KMT2C: variants seen among roughly 807,000 people sequenced by gnomAD.
The protein encoded by KMT2C is histone-lysine N-methyltransferase 2C.
A neutral mutation model predicts 507.9 loss-of-function variants in KMT2C; 88 were observed. That is an observed-to-expected ratio of 0.17 (90% CI 0.15 to 0.21). The LOEUF is 0.21. KMT2C is among the 10% of genes least tolerant of loss of function. KMT2C has a pLI of 1.00. For synonymous variants in KMT2C, 2,049 were observed against 2,080.8 expected, an observed-to-expected ratio of 0.98 and a Z score of 0.42; for missense variants, 4,954 against 5,957.8, an observed-to-expected ratio of 0.83 and a Z score of 5.55.
At chr7:152,354,998 AG>A (rs2097141151) in intron 2 of KMT2C, among the ~76,000 whole-genome samples, 1 of 152,230 alleles carries the variant, frequency 6.6e-6, no homozygotes, top group African/African-American at 2.4e-5. Context: ...AAGACCAGTT[AG>A]GAAGCTATTG....
At chr7:152,379,525 A>G (rs560606983) in intron 1 of KMT2C, among the ~76,000 whole-genome samples, 21 of 151,890 alleles carry the variant, frequency 1.4e-4, no homozygotes, top group African/African-American at 4.8e-4. Flanking sequence ...GCGACAGAGT[A>G]AGACTCTGTC....
At chr7:152,390,590 TCA>T (rs1355389800) in intron 1 of KMT2C, among the ~76,000 whole-genome samples, 1 of 152,220 alleles carries the variant, frequency 6.6e-6, no homozygotes, top group Admixed American at 6.5e-5. Context: ...TTACAACCCA[TCA>T]CAATAGATGT....
intron 1 of KMT2C, among the ~76,000 whole-genome samples, chr7:152,370,729 C>T (rs1257283159): frequency 6.6e-6 from 1 of 152,216 alleles, no homozygotes; most frequent in African/African-American, 2.4e-5. Context: ...TCAATGTAAT[C>T]TACCATGTTA....
chr7:152,422,941 C>T lies in KMT2C; in HGVS notation c.161+12685G>A, dbSNP rs551157580. Among the ~76,000 whole-genome samples the T allele has an allele frequency of 1.7e-3, 252 of 150,760 alleles. 3 individuals carry two copies. Among genetic ancestry groups the T allele is most frequent in the Middle Eastern group, 0.014 (4 of 292 alleles). On this transcript the variant is annotated intron_variant, in intron 1 of 58. Transcript: ENST00000262189. ...TGGAGGCAGGAGAATGGCATGAACC[C>T]GGGAGGCGGAGCTTACAGTGAGCCA...
At position 152,183,059 on chromosome 7, in the gene KMT2C, G is replaced by A. The variant is rs372053630; in HGVS notation, c.5180C>T (p.Pro1727Leu). 8.3e-5 allele frequency: 134 copies of A among 1,612,692 alleles called. No homozygotes were observed. The highest frequency in any genetic ancestry group is 1.0e-4 in the Non-Finnish European group (119 of 1,179,334). ...KRQQQQDSID[P>L]SSRIDSELFK... Reference sequence around the variant, plus strand: ...AAGCTCCGAATCAATACGAGAGCTGGGATCAATGCTATCTTGCTGTTGCTG... The same window carrying A: ...AAGCTCCGAATCAATACGAGAGCTGAGATCAATGCTATCTTGCTGTTGCTG... Residue 1727 changes from proline (P) to leucine (L), a missense_variant, in exon 35 of 59, where the codon CCC becomes CTC. Physicochemically the swap from Pro to Leu is moderately conservative, Grantham distance 98. Around this residue, in one of 29 missense-constraint regions of KMT2C, gnomAD observed 58 missense variants for 63.3 expected, o/e 0.92. Transcript: ENST00000262189.
At position 152,176,904 on chromosome 7, in the gene KMT2C, T is replaced by C. The variant is rs2093235140; in HGVS notation, c.8549A>G (p.Asp2850Gly). 3.7e-6 allele frequency: 6 copies of C among 1,614,080 alleles called. No homozygotes were observed. The highest frequency in any genetic ancestry group is 5.1e-6 in the Non-Finnish European group (6 of 1,180,046). ...AGCAGAAGCCTGTGAGCAAGGAGTG[T>C]CAACATTATCTTTATTCTCATCATT... The part of the protein sequence containing the change: ...EKNDENKDNV[D>G]TPCSQASAHS... Residue 2850 changes from aspartate to glycine, a missense_variant, in exon 38 of 59, where the codon GAC becomes GGC. Coordinates refer to ENST00000262189, the MANE Select transcript of KMT2C (RefSeq NM_170606.3).
intron 1 of KMT2C, among the ~76,000 whole-genome samples, chr7:152,376,288 TAATCCTAC>T (rs1257248258): frequency 2.0e-5 from 3 of 152,180 alleles, no homozygotes; most frequent in Non-Finnish European, 4.4e-5. Context: ...TAGTTAACCC[TAATCCTAC>T]AATGGCCTCA....
At chr7:152,139,441 T>C (rs1053613912) in intron 56 of KMT2C, among the ~76,000 whole-genome samples, 182 bp from the exon 57 acceptor site, 1 of 152,132 alleles carries the variant, frequency 6.6e-6, no homozygotes, top group African/African-American at 2.4e-5. Context: ...ATGGAATCAG[T>C]AGGTTGTGTG....
chr7:152,345,917 AATGG>A (rs1489147992), intron 2 of KMT2C, among the ~76,000 whole-genome samples: 3 of 152,220 alleles, frequency 2.0e-5, no homozygotes, highest in South Asian at 2.1e-4. Flanking sequence ...ATAAGAAATA[AATGG>A]ATGGAGAAAG....
chr7:152,154,487 C>A lies in KMT2C; in HGVS notation c.11961-42G>T, dbSNP rs372108414. ...ACACACATCAAAGTCTGCAAATCCACCACTGGGGGCTTCCTGTACCAACCC... is the reference window on the plus strand; with the variant it reads ...ACACACATCAAAGTCTGCAAATCCAACACTGGGGGCTTCCTGTACCAACCC... On this transcript the variant is annotated intron_variant, in intron 46 of 58. Coordinates refer to ENST00000262189, the MANE Select transcript of KMT2C (RefSeq NM_170606.3). The A allele has an allele frequency of 1.9e-6, 3 of 1,573,860 alleles. No homozygotes were observed. In the African/African-American group the frequency reaches 4.0e-5, roughly 21 times the overall value.
intron 1 of KMT2C, among the ~76,000 whole-genome samples, chr7:152,417,323 G>C (rs763168523): frequency 2.6e-5 from 4 of 152,128 alleles, no homozygotes; most frequent in Non-Finnish European, 5.9e-5. Flanking sequence ...TCACCATGTT[G>C]GTCAGGCTGG....
chr7:152,278,817 A>G (rs1318552750), intron 6 of KMT2C, among the ~76,000 whole-genome samples: 1 of 152,310 alleles, frequency 6.6e-6, no homozygotes, highest in African/African-American at 2.4e-5. Context: ...AAGTTTATAC[A>G]CCTAATAAAT....
chr7:152,374,873 ACT>A (rs1350251816), intron 1 of KMT2C, among the ~76,000 whole-genome samples: 2 of 145,206 alleles, frequency 1.4e-5, no homozygotes, highest in Non-Finnish European at 3.0e-5. Flanking sequence ...ACACAGGGAG[ACT>A]CTGTCTCTCA....
rs543611892 is a variant in KMT2C at position 152,195,767 on chromosome 7, A to G, written c.4378+140T>C. On this transcript the variant is annotated intron_variant, in intron 28 of 58. Transcript: ENST00000262189. Reference sequence around the variant, plus strand: ...CAGGAAAGCTGAGGCAGATCAAAGAAAATGCTGAGTCCTTTAACAAAGCCA... The same window carrying G: ...CAGGAAAGCTGAGGCAGATCAAAGAGAATGCTGAGTCCTTTAACAAAGCCA... The G allele has an allele frequency of 1.2e-5, 6 of 513,494 alleles. 1 individual carries two copies. The South Asian group carries it at 3.7e-4, about 31-fold the overall frequency. 31.8% of individuals were successfully genotyped at this position (513,494 alleles called of 1,614,324 possible).
intron 27 of KMT2C, 92 bp from the exon 28 acceptor site, chr7:152,196,103 G>A: frequency 1.8e-6 from 1 of 567,048 alleles, no homozygotes. Flanking sequence ...GATACTGAGT[G>A]AGGCAAGTAC....
In KMT2C at chr7:152,252,079, A is replaced by C. The variant is rs771266223; in HGVS notation, c.1481T>G (p.Leu494Arg). The change falls in exon 11 of 59, where the codon CTA (leucine) becomes CGA (arginine). Residue 494 changes from leucine (L) to arginine (R), a missense_variant. By Grantham distance (102) the Leu-to-Arg change is moderately radical (BLOSUM62 -2). Transcript: ENST00000262189. Reference sequence around the variant, plus strand: ...ATGATCTGTTGGTTTGTCACACTCTAGGTGAACCCACCTGCAGTGATAAGT... The same window carrying C: ...ATGATCTGTTGGTTTGTCACACTCTCGGTGAACCCACCTGCAGTGATAAGT... ...HCNMCKRWVH[L>R]ECDKPTDHEL... is the part of the protein sequence containing the mutation. 1.2e-6 allele frequency: 2 copies of C among 1,608,512 alleles called. No homozygotes were observed. Among genetic ancestry groups the C allele is most frequent in the Non-Finnish European group, 1.7e-6 (2 of 1,177,046 alleles).
chr7:152,356,115 G>C (rs943733599), intron 2 of KMT2C, among the ~76,000 whole-genome samples: 1 of 152,074 alleles, frequency 6.6e-6, no homozygotes, highest in Non-Finnish European at 1.5e-5. Flanking sequence ...AGGGATGCAA[G>C]CAAGAAAATA....
At chr7:152,364,916 C>T (rs2097227376) in intron 1 of KMT2C, among the ~76,000 whole-genome samples, 1 of 146,522 alleles carries the variant, frequency 6.8e-6, no homozygotes, top group Non-Finnish European at 1.5e-5. Flanking sequence ...CCAAGCACAA[C>T]AAAATCTGAA....
intron 1 of KMT2C, chr7:152,368,644 A>T: frequency 6.8e-7 from 1 of 1,461,760 alleles, no homozygotes; most frequent in Non-Finnish European, 9.5e-7. Flanking sequence ...GAACAAGAAG[A>T]AAGGGAAGAT....
Sources: gnomAD v4.1 joint callset for allele counts (sites outside exome capture counted in the v4.1 genomes callset) on GRCh38, gnomAD v4.1.1 for gene constraint, gnomAD v4.1.1 regional missense constraint, MANE v1.5 for transcripts, NCBI Gene and HGNC (gene_info 2026-07-23, HGNC 2026-07-21) for gene names.